MITF: variants seen among roughly 807,000 people sequenced by gnomAD.
MITF encodes the protein melanocyte inducing transcription factor.
In MITF, 17 loss-of-function variants were observed where a neutral mutation model predicts 60.5. The ratio of observed to expected loss-of-function variants is 0.28; its 90% CI spans 0.19 to 0.42. MITF has a LOEUF of 0.42. MITF is among the 10% of genes least tolerant of loss of function. The pLI is 1.00. For synonymous variants in MITF, 260 were observed against 248.5 expected (o/e 1.05, Z -0.43); for missense variants, 622 against 683.5 (o/e 0.91, Z 1.00).
intron 1 of MITF, among the ~76,000 whole-genome samples, chr3:69,806,614 A>T (rs538869297): frequency 1.3e-5 from 2 of 152,294 alleles, no homozygotes; most frequent in South Asian, 4.2e-4. Context: ...AACTCAGGCT[A>T]AGAACTCATA....
chr3:69,805,842 G>A (rs190265563), intron 1 of MITF, among the ~76,000 whole-genome samples: 2 of 151,984 alleles, frequency 1.3e-5, no homozygotes, highest in Non-Finnish European at 1.5e-5. Context: ...AAATTTTTTT[G>A]TGGAGACAAG....
intron 1 of MITF, among the ~76,000 whole-genome samples, chr3:69,795,188 A>G (rs895206343): frequency 6.6e-6 from 1 of 152,190 alleles, no homozygotes; most frequent in African/African-American, 2.4e-5. Context: ...ATGCTGTTGT[A>G]AATAGATTTT....
intron 1 of MITF, among the ~76,000 whole-genome samples, chr3:69,796,784 T>G (rs898193816): frequency 6.6e-6 from 1 of 152,180 alleles, no homozygotes; most frequent in Admixed American, 6.5e-5. Flanking sequence ...AACACCGTCT[T>G]TCTAAGATAG....
At chr3:69,739,758 C>T (rs995420764) in intron 1 of MITF, 57 bp downstream of exon 1, 402 of 1,299,494 alleles carry the variant, frequency 3.1e-4, no homozygotes, top group Middle Eastern at 7.2e-4. Context: ...ACTGCGTCTG[C>T]CACTCTGGGG....
At chr3:69,843,227 A>G (rs1259898987) in intron 1 of MITF, among the ~76,000 whole-genome samples, 1 of 149,120 alleles carries the variant, frequency 6.7e-6, no homozygotes, top group Non-Finnish European at 1.5e-5. Flanking sequence ...TGGATACCCA[A>G]CAACGAGGGA....
chr3:69,802,646 G>C (rs1454993008), intron 1 of MITF, among the ~76,000 whole-genome samples: 2 of 143,174 alleles, frequency 1.4e-5, no homozygotes, highest in East Asian at 4.3e-4. Context: ...CAAACACTTA[G>C]TGAGCACCTA....
At chr3:69,847,792 T>C (rs777445669) in intron 1 of MITF, among the ~76,000 whole-genome samples, 6 of 152,226 alleles carry the variant, frequency 3.9e-5, no homozygotes, top group Non-Finnish European at 7.3e-5. Flanking sequence ...CCATGTTTCA[T>C]TTCTTGAGAC....
chr3:69,854,974 A>T (rs1350933438), intron 1 of MITF, among the ~76,000 whole-genome samples: 1 of 152,078 alleles, frequency 6.6e-6, no homozygotes, highest in Admixed American at 6.6e-5. Flanking sequence ...CTGCTGCCCC[A>T]TCCCAGCCCT....
chr3:69,794,634 A>T lies in MITF; in HGVS notation c.104+54933A>T, dbSNP rs975012736. ...CATGCATTAAAAAAATAGCAGTGTCATCCAGGCTGCTTTGCATTTGTTATT... is the reference window on the plus strand; with the variant it reads ...CATGCATTAAAAAAATAGCAGTGTCTTCCAGGCTGCTTTGCATTTGTTATT... On this transcript the variant is annotated intron_variant, in intron 1 of 9. Transcript: ENST00000352241. 4.6e-5 allele frequency among the ~76,000 whole-genome samples: 7 copies of T among 152,226 alleles called. No homozygotes were observed. In the East Asian group the frequency reaches 1.3e-3, roughly 29 times the overall value.
rs186274639 is a variant in MITF, at chr3:69,845,992, G to A, written c.105-33142G>A. On this transcript the variant is annotated intron_variant, in intron 1 of 9. Transcript: ENST00000352241. ...AAGGACTGTTCTGGTGCTGGGAATA[G>A]AGCAGTAAATAAAAGAGGCAAAGAT... Among the ~76,000 whole-genome samples the A allele has an allele frequency of 3.1e-3, 475 of 152,316 alleles. 1 individual carries two copies. The highest frequency in any genetic ancestry group is 0.011 in the African/African-American group (439 of 41,572).
intron 1 of MITF, chr3:69,758,725 A>G (rs2062167593): frequency 4.9e-6 from 1 of 206,136 alleles, no homozygotes; most frequent in South Asian, 1.9e-4. Context: ...AATGACCTAG[A>G]TGGCTGAAGT....
chr3:69,769,827 A>C (rs2062365590), intron 1 of MITF: 1 of 152,234 alleles, frequency 6.6e-6, no homozygotes, highest in Non-Finnish European at 1.5e-5. Context: ...TTTGGGGCAG[A>C]GTTGCCAGAT....
At chr3:69,907,719 G>A (rs2065131342) in intron 2 of MITF, among the ~76,000 whole-genome samples, 1 of 152,096 alleles carries the variant, frequency 6.6e-6, no homozygotes, top group Non-Finnish European at 1.5e-5. Flanking sequence ...TAGATCATTG[G>A]CTCTCTTTTT....
At position 69,892,378 on chromosome 3, in the gene MITF, C is replaced by G. The variant is rs532942144; in HGVS notation, c.354+12995C>G. On this transcript the variant is annotated intron_variant, in intron 2 of 9. Coordinates refer to ENST00000352241, the MANE Select transcript of MITF (RefSeq NM_001354604.2). The stretch of plus-strand genomic sequence containing the variant: ...ATTTATCCCTGCCCATGCATATTCA[C>G]AGCTTCTAACCCCAGAGTGGTACAT... Among the ~76,000 whole-genome samples, 5 of 152,304 alleles carry G rather than the reference C, an allele frequency of 3.3e-5. No individual in the cohort carries two copies. In the South Asian group the frequency reaches 1.0e-3, roughly 32 times the overall value.
chr3:69,805,723 A>G (rs1005486033), intron 1 of MITF, among the ~76,000 whole-genome samples: 5 of 152,042 alleles, frequency 3.3e-5, no homozygotes, highest in South Asian at 2.1e-4. Flanking sequence ...CAGTGGCATG[A>G]TCATAGCTTA....
chr3:69,926,428 G>C (rs1559724814), intron 2 of MITF, among the ~76,000 whole-genome samples: 1 of 152,178 alleles, frequency 6.6e-6, no homozygotes, highest in Non-Finnish European at 1.5e-5. Flanking sequence ...CCAAGGCAAT[G>C]TTTTCATCTC....
intron 1 of MITF, among the ~76,000 whole-genome samples, chr3:69,761,469 C>T (rs550354347): frequency 9.8e-5 from 15 of 152,298 alleles, no homozygotes; most frequent in Admixed American, 8.5e-4. Flanking sequence ...CTCTCTTATT[C>T]ACCATGCTGG....
chr3:69,899,685 G>C (rs1050086818), intron 2 of MITF, among the ~76,000 whole-genome samples: 1 of 151,938 alleles, frequency 6.6e-6, no homozygotes, highest in East Asian at 1.9e-4. Context: ...GAACATGAAG[G>C]TTTCTCCTAA....
chr3:69,966,270 C>G lies in MITF; in HGVS notation c.*1022C>G. 4.3e-6 allele frequency: 1 copy of G among 232,816 alleles called. No homozygotes were observed. Among genetic ancestry groups the G allele is most frequent in the Non-Finnish European group, 8.5e-6 (1 of 117,596 alleles). The allele number at this position is 232,816 out of a possible 1,614,324, so 14.4% of individuals were successfully genotyped here. A position where few individuals can be genotyped will look rare whatever the true frequency, so the allele number is the denominator to read the frequency against. ...GCAAGTTTTCCATATTTTTACAACT[C>G]ACTGGTGGTTTTCCGCATTCTTTGT... On this transcript the variant is annotated 3_prime_UTR_variant, in exon 10 of 10. Coordinates refer to ENST00000352241, the MANE Select transcript of MITF (RefSeq NM_001354604.2).
Sources: allele counts gnomAD v4.1 joint callset (sites outside exome capture counted in the v4.1 genomes callset), GRCh38; gene constraint gnomAD v4.1.1; transcripts MANE v1.5; gene names NCBI Gene and HGNC (gene_info 2026-07-23, HGNC 2026-07-21).